PTPRE: variants seen among roughly 807,000 people sequenced by gnomAD.
PTPRE encodes receptor-type tyrosine-protein phosphatase epsilon.
In PTPRE, 51 loss-of-function variants were observed where a neutral mutation model predicts 102.0. The observed-to-expected ratio is 0.50, with a 90% CI of 0.40 to 0.63. PTPRE has a LOEUF of 0.63. Ranked by LOEUF, PTPRE falls within the 30% of genes least tolerant of loss-of-function variation. PTPRE has a pLI of 0.00. For synonymous variants in PTPRE, 345 were observed against 348.2 expected (o/e 0.99, Z 0.10); for missense variants, 752 against 915.1 (o/e 0.82, Z 2.30).
intron 3 of PTPRE, 75 bp from the exon 4 acceptor site, chr10:128,047,315 G>C: frequency 1.3e-6 from 2 of 1,533,610 alleles, no homozygotes; most frequent in Non-Finnish European, 1.8e-6. Context: ...CCAGGAAGAA[G>C]GGCTTATGGA....
chr10:128,079,471 G>A, intron 19 of PTPRE, 89 bp from the exon 20 acceptor site: 1 of 1,491,528 alleles, frequency 6.7e-7, no homozygotes, highest in Non-Finnish European at 9.1e-7. Flanking sequence ...TTGCTTCAGT[G>A]CTGATATGCA....
At chr10:127,954,238 A>C (rs564582285) in intron 1 of PTPRE, among the ~76,000 whole-genome samples, 7 of 152,170 alleles carry the variant, frequency 4.6e-5, no homozygotes, top group Non-Finnish European at 1.0e-4. Flanking sequence ...CTACTTACCA[A>C]TGCCAACCTG....
At chr10:128,058,862 T>C (rs1030684959) in intron 7 of PTPRE, among the ~76,000 whole-genome samples, 2 of 152,026 alleles carry the variant, frequency 1.3e-5, no homozygotes, top group African/African-American at 4.8e-5. Context: ...TTTACCAGAG[T>C]CATAAGATGG....
chr10:128,060,928 T>G lies in PTPRE; in HGVS notation c.512-11T>G, dbSNP rs1342485297. 1 of 1,613,792 alleles carries G rather than the reference T, an allele frequency of 6.2e-7. No individual in the cohort carries two copies. The highest frequency in any genetic ancestry group is 8.5e-7 in the Non-Finnish European group (1 of 1,179,864). ...CCTAATATCTTGGCTTTGTTTGGGT[T>G]TTTTTTCCAGATGACCATTCTAGGG... is the stretch of plus-strand genomic sequence containing the variant. On this transcript the variant is annotated splice_polypyrimidine_tract_variant and intron_variant, in intron 7 of 20. Transcript: ENST00000254667.
chr10:128,010,532 G>A (rs190383360), intron 2 of PTPRE, among the ~76,000 whole-genome samples: 3 of 124,242 alleles, frequency 2.4e-5, no homozygotes, highest in African/African-American at 9.7e-5. Flanking sequence ...AGCCACAACC[G>A]TCAAACCCTG....
chr10:127,918,852 G>A (rs186677404), intron 1 of PTPRE, among the ~76,000 whole-genome samples: 1 of 152,224 alleles, frequency 6.6e-6, no homozygotes, highest in East Asian at 1.9e-4. Flanking sequence ...GAGTCTTTTT[G>A]CAAAATTGCA....
In PTPRE at chr10:128,070,311, C is replaced by T. The variant is rs140608471; in HGVS notation, c.1154C>T (p.Thr385Met). The T allele has an allele frequency of 1.5e-5, 24 of 1,610,606 alleles. No homozygotes were observed. Among genetic ancestry groups the T allele is most frequent in the Middle Eastern group, 1.7e-4 (1 of 6,038 alleles). ...PQMVQTDMQY[T>M]FIYQALLEYY... ...CTGGCCTCTCTGCAGATGCAGTACA[C>T]GTTCATCTACCAAGCCTTACTCGAG... Residue 385 changes from threonine (T) to methionine (M), a missense_variant, in exon 14 of 21, where the codon ACG becomes ATG. Thr to Met is a moderately conservative substitution (Grantham distance 81). Transcript: ENST00000254667. The surrounding 1 kb of genome is among the most constrained non-coding windows in gnomAD (Gnocchi z 4.8).
At chr10:127,969,626 C>T (rs1018367976) in intron 1 of PTPRE, among the ~76,000 whole-genome samples, 4 of 148,940 alleles carry the variant, frequency 2.7e-5, no homozygotes, top group African/African-American at 1.0e-4. Flanking sequence ...TGAGATTGGG[C>T]CACTGCACTC....
chr10:128,029,848 G>C (rs1225024090), intron 2 of PTPRE, among the ~76,000 whole-genome samples: 2 of 152,236 alleles, frequency 1.3e-5, no homozygotes, highest in Admixed American at 1.3e-4. Context: ...CCACCTGCCT[G>C]CACAGACAGC....
intron 2 of PTPRE, among the ~76,000 whole-genome samples, chr10:128,000,191 G>A (rs907905836): frequency 6.6e-6 from 1 of 152,012 alleles, no homozygotes; most frequent in African/African-American, 2.4e-5. Context: ...TAGTTGGTGG[G>A]GTAACAGTTT....
At chr10:127,953,566 C>T (rs1320770834) in intron 1 of PTPRE, among the ~76,000 whole-genome samples, 2 of 152,184 alleles carry the variant, frequency 1.3e-5, no homozygotes, top group African/African-American at 2.4e-5. Context: ...TGTGATTGGG[C>T]CAGAAAAGGT....
intron 2 of PTPRE, among the ~76,000 whole-genome samples, chr10:127,995,192 G>C (rs531294882): frequency 5.4e-4 from 82 of 151,522 alleles, no homozygotes; most frequent in African/African-American, 1.9e-3. Flanking sequence ...TCAAACTCAG[G>C]CTTCACAGAT....
chr10:128,012,131 CCAG>C (rs1845069984), intron 2 of PTPRE, among the ~76,000 whole-genome samples: 2 of 152,118 alleles, frequency 1.3e-5, no homozygotes, highest in African/African-American at 4.8e-5. Context: ...GGGTGTGAAC[CCAG>C]GTCCACCTGT....
chr10:128,009,815 C>A (rs1013749582), intron 2 of PTPRE, among the ~76,000 whole-genome samples: 3 of 152,192 alleles, frequency 2.0e-5, no homozygotes, highest in African/African-American at 7.2e-5. Context: ...TAATTGTAGT[C>A]TCGTTTCATA....
chr10:127,952,443 C>A (rs964390096), intron 1 of PTPRE, among the ~76,000 whole-genome samples: 1 of 151,654 alleles, frequency 6.6e-6, no homozygotes, highest in African/African-American at 2.4e-5. Context: ...TATCAGCCTG[C>A]CCAGCTACTT....
chr10:128,033,104 G>A (rs1373675316), intron 2 of PTPRE, among the ~76,000 whole-genome samples: 1 of 152,220 alleles, frequency 6.6e-6, no homozygotes, highest in Non-Finnish European at 1.5e-5. Context: ...AAGCTACTAA[G>A]AGATCATCAG....
rs1202580834 is a variant in PTPRE, at chr10:128,081,630, A to AAG, written c.2029-1197_2029-1196dup. Among the ~76,000 whole-genome samples, 6 of 152,374 alleles carry AAG rather than the reference A, an allele frequency of 3.9e-5. No homozygotes were observed. The South Asian group carries it at 1.2e-3, about 32-fold the overall frequency. On this transcript the variant is annotated intron_variant, in intron 20 of 20. Coordinates refer to ENST00000254667, the MANE Select transcript of PTPRE (RefSeq NM_006504.6). The stretch of plus-strand genomic sequence containing the variant: ...TTGCTTTAAGCTGTTTGCCTCTTTA[A>AAG]AGAGAGCCTGTATATTTATTGAGAA...
intron 10 of PTPRE, among the ~76,000 whole-genome samples, chr10:128,064,123 T>C (rs996133553): frequency 2.0e-5 from 3 of 152,178 alleles, no homozygotes; most frequent in Non-Finnish European, 4.4e-5. Flanking sequence ...AGGGCTGCCA[T>C]TTTTAGATGG....
chr10:128,002,719 T>G (rs1854080588), intron 2 of PTPRE, among the ~76,000 whole-genome samples: 2 of 77,716 alleles, frequency 2.6e-5, no homozygotes, highest in Admixed American at 3.2e-4. Flanking sequence ...TTTTTTTTTT[T>G]TGAGACAGGG....
Sources: allele counts gnomAD v4.1 joint callset (sites outside exome capture counted in the v4.1 genomes callset), GRCh38; gene constraint gnomAD v4.1.1; non-coding constraint Gnocchi (gnomAD v3.1); transcripts MANE v1.5; gene names NCBI Gene and HGNC (gene_info 2026-07-23, HGNC 2026-07-21).